PIGU: variants seen among roughly 807,000 people sequenced by gnomAD.
PIGU encodes the protein phosphatidylinositol glycan anchor biosynthesis class U, also known as GPI-anchor transamidase component PIGU.
A neutral mutation model predicts 49.9 loss-of-function variants in PIGU; 24 were observed. The observed-to-expected ratio is 0.48, with a 90% CI of 0.35 to 0.68. The LOEUF (loss-of-function observed/expected upper bound fraction) is 0.68. Among genes scored for constraint, PIGU ranks in the 30% least tolerant of loss-of-function variants. The pLI is 0.01. For missense variants in PIGU, 490 were observed against 532.6 expected (o/e 0.92, Z 0.79); for synonymous variants, 220 against 205.7 (o/e 1.07, Z -0.59).
intron 5 of PIGU, among the ~76,000 whole-genome samples, chr20:34,636,153 A>C (rs1985956200): frequency 6.6e-6 from 1 of 152,126 alleles, no homozygotes. Flanking sequence ...GTGAGCCGTG[A>C]CTGTACCACT....
intron 7 of PIGU, among the ~76,000 whole-genome samples, chr20:34,607,533 T>C (rs936983545): frequency 2.0e-5 from 3 of 152,116 alleles, no homozygotes; most frequent in Non-Finnish European, 4.4e-5. Flanking sequence ...CAGCTCTCCA[T>C]CCCATTGACA....
intron 9 of PIGU, 146 bp from the exon 10 acceptor site, chr20:34,581,818 A>T: frequency 9.0e-7 from 1 of 1,112,954 alleles, no homozygotes; most frequent in South Asian, 1.6e-5. Context: ...GGCATGGGCC[A>T]GGCCCCAGTA....
chr20:34,655,223 C>A (rs1986668050), intron 2 of PIGU, among the ~76,000 whole-genome samples: 1 of 119,442 alleles, frequency 8.4e-6, no homozygotes, highest in African/African-American at 3.1e-5. Flanking sequence ...GGTGGGAGGA[C>A]TGCTTGAGCC....
chr20:34,610,861 T>C (rs1165098972), intron 7 of PIGU, among the ~76,000 whole-genome samples: 1 of 152,024 alleles, frequency 6.6e-6, no homozygotes, highest in Non-Finnish European at 1.5e-5. Flanking sequence ...AACAGAGATA[T>C]AGACCAATGG....
In PIGU at chr20:34,601,380, A is replaced by G. The variant is rs565101140; in HGVS notation, c.628-12773T>C. Among the ~76,000 whole-genome samples, 25 of 152,334 alleles carry G rather than the reference A, an allele frequency of 1.6e-4. 1 individual carries two copies. The South Asian group carries it at 4.8e-3, about 29-fold the overall frequency. On this transcript the variant is annotated intron_variant, in intron 7 of 11. Transcript: ENST00000217446. ...TTTATAAAAACTGAACTTGCACTTA[A>G]TCTTGCAGGACTATTCCAGTTACAC... is the stretch of plus-strand genomic sequence containing the variant.
chr20:34,606,116 G>T (rs1415411110), intron 7 of PIGU, among the ~76,000 whole-genome samples: 1 of 151,976 alleles, frequency 6.6e-6, no homozygotes, highest in African/African-American at 2.4e-5. Flanking sequence ...TTAGCCAGGC[G>T]TGGTGGCAGG....
intron 1 of PIGU, among the ~76,000 whole-genome samples, chr20:34,667,287 G>A (rs1987133582): frequency 6.6e-6 from 1 of 152,110 alleles, no homozygotes; most frequent in African/African-American, 2.4e-5. Context: ...TATACTTCTA[G>A]CTGAGGGCCT....
intron 7 of PIGU, among the ~76,000 whole-genome samples, 182 bp downstream of exon 7, chr20:34,615,860 G>A (rs908480309): frequency 3.9e-5 from 6 of 152,078 alleles, no homozygotes; most frequent in African/African-American, 1.4e-4. Flanking sequence ...CTGTAGTTGG[G>A]ACTTAATGAT....
intron 7 of PIGU, among the ~76,000 whole-genome samples, chr20:34,589,500 G>A (rs139077923): frequency 0.011 from 1,612 of 150,692 alleles, 16 homozygotes; most frequent in Middle Eastern, 0.018. Flanking sequence ...CTGCAGGTGC[G>A]CACCACCACA....
intron 4 of PIGU, among the ~76,000 whole-genome samples, chr20:34,639,406 A>T (rs1986077664): frequency 6.6e-6 from 1 of 152,136 alleles, no homozygotes; most frequent in Non-Finnish European, 1.5e-5. Flanking sequence ...GTCTCAAAAA[A>T]AATAAAAAAT....
chr20:34,569,822 T>A (rs543129191), intron 11 of PIGU, among the ~76,000 whole-genome samples: 5 of 152,212 alleles, frequency 3.3e-5, no homozygotes, highest in Admixed American at 2.0e-4. Flanking sequence ...TCACTGAATA[T>A]TCTTCTTGGT....
chr20:34,560,592 C>T lies in PIGU; in HGVS notation c.*274G>A, dbSNP rs572793348. 5 of 428,352 alleles carry T rather than the reference C, an allele frequency of 1.2e-5. No homozygotes were observed. Among genetic ancestry groups the T allele is most frequent in the African/African-American group, 6.1e-5 (3 of 48,894 alleles). 26.5% of individuals were successfully genotyped at this position (428,352 alleles called of 1,614,324 possible). A position where few individuals can be genotyped will look rare whatever the true frequency, so the allele number is the denominator to read the frequency against. On this transcript the variant is annotated 3_prime_UTR_variant, in exon 12 of 12. Coordinates refer to ENST00000217446, the MANE Select transcript of PIGU (RefSeq NM_080476.5). ...TTAAGTAGCCACAATCTAACAAGCCCTGCTCACCTGCCTCTTCTCCTTCCT... is the reference window on the plus strand; with the variant it reads ...TTAAGTAGCCACAATCTAACAAGCCTTGCTCACCTGCCTCTTCTCCTTCCT...
intron 7 of PIGU, among the ~76,000 whole-genome samples, chr20:34,590,669 T>C (rs1983930339): frequency 6.6e-6 from 1 of 151,218 alleles, no homozygotes; most frequent in Non-Finnish European, 1.5e-5. Flanking sequence ...TAAATCATGT[T>C]GTTAGGAAAA....
chr20:34,575,026 T>C, intron 11 of PIGU, 78 bp downstream of exon 11: 10 of 1,562,542 alleles, frequency 6.4e-6, no homozygotes, highest in Non-Finnish European at 7.9e-6. Flanking sequence ...GTATGCAGAA[T>C]CCAAGGCCAT....
At chr20:34,621,469 G>T (rs1326585046) in intron 6 of PIGU, among the ~76,000 whole-genome samples, 1 of 152,196 alleles carries the variant, frequency 6.6e-6, no homozygotes, top group African/African-American at 2.4e-5. Context: ...GAGGCCTGCA[G>T]TCTGGGGGCA....
intron 6 of PIGU, among the ~76,000 whole-genome samples, chr20:34,632,625 A>G (rs1985824200): frequency 6.6e-6 from 1 of 152,076 alleles, no homozygotes; most frequent in Non-Finnish European, 1.5e-5. Context: ...TTGGCCTCCC[A>G]AAGTGCTGGG....
At chr20:34,609,348 C>CT (rs893268517) in intron 7 of PIGU, among the ~76,000 whole-genome samples, 15 of 151,902 alleles carry the variant, frequency 9.9e-5, no homozygotes, top group Admixed American at 9.8e-4. Context: ...TCCACCTTCA[C>CT]TTTTTTTCAC....
intron 7 of PIGU, among the ~76,000 whole-genome samples, chr20:34,598,343 AG>A (rs1221654079): frequency 6.6e-6 from 1 of 152,204 alleles, no homozygotes; most frequent in Non-Finnish European, 1.5e-5. Context: ...TTTAGGAGTG[AG>A]GGGTAAGTGG....
At chr20:34,577,862 G>A (rs777105960) in intron 10 of PIGU, among the ~76,000 whole-genome samples, 29 of 152,176 alleles carry the variant, frequency 1.9e-4, no homozygotes, top group Non-Finnish European at 3.2e-4. Context: ...TCGAGGCTGC[G>A]AACCACTGGA....
Sources: allele counts gnomAD v4.1 joint callset (sites outside exome capture counted in the v4.1 genomes callset), GRCh38; gene constraint gnomAD v4.1.1; transcripts MANE v1.5; gene names NCBI Gene and HGNC (gene_info 2026-07-23, HGNC 2026-07-21).